SATL1: variants seen among roughly 807,000 people sequenced by gnomAD.
SATL1 encodes the protein spermidine/spermine N(1)-acetyltransferase-like protein 1.
Under a neutral mutation model 51.8 loss-of-function variants are expected in SATL1, and 47 were observed. The observed-to-expected ratio is 0.91, with a 90% confidence interval of 0.72 to 1.16. The LOEUF (loss-of-function observed/expected upper bound fraction) is 1.16, where lower values mean the gene tolerates loss of function less well. Among genes scored for constraint, SATL1 ranks in the 50% most tolerant of loss-of-function variants. SATL1 has a pLI of 0.00. For missense variants in SATL1, 520 were observed against 526.4 expected, an observed-to-expected ratio of 0.99 and a Z score of 0.12; for synonymous variants, 176 against 182.4, an observed-to-expected ratio of 0.97 and a Z score of 0.28.
intron 1 of SATL1, among the ~76,000 whole-genome samples, chrX:85,238,275 T>G (rs1325171144): frequency 1.8e-5 from 2 of 111,694 alleles, no homozygotes; most frequent in Admixed American, 9.5e-5. Flanking sequence ...TTTGCTGCAG[T>G]ACTGCTCACA....
intron 2 of SATL1, among the ~76,000 whole-genome samples, chrX:85,125,745 T>A (rs944442898): frequency 9.2e-6 from 1 of 108,732 alleles, no homozygotes; most frequent in African/African-American, 3.3e-5. Context: ...AATTTTTAAA[T>A]ATATATATAT....
intron 2 of SATL1, among the ~76,000 whole-genome samples, chrX:85,208,519 A>G (rs1927838698): frequency 8.9e-6 from 1 of 111,826 alleles, no homozygotes; most frequent in East Asian, 2.8e-4. Context: ...TCCCACCAAC[A>G]GTGTAAAAGC....
At chrX:85,243,214 CT>C (rs1928678888) in intron 1 of SATL1, among the ~76,000 whole-genome samples, 1 of 112,672 alleles carries the variant, frequency 8.9e-6, no homozygotes, top group Non-Finnish European at 1.9e-5. Context: ...CCTTTCCCTG[CT>C]TAAACACTGT....
intron 2 of SATL1, among the ~76,000 whole-genome samples, chrX:85,180,100 T>C (rs1325131000): frequency 9.0e-6 from 1 of 110,898 alleles, no homozygotes; most frequent in Non-Finnish European, 1.9e-5. Flanking sequence ...AAAACACAGG[T>C]TAAATAACTT....
At chrX:85,187,906 A>G (rs1443158015) in intron 2 of SATL1, among the ~76,000 whole-genome samples, 1 of 110,187 alleles carries the variant, frequency 9.1e-6, no homozygotes, top group Non-Finnish European at 1.9e-5. Flanking sequence ...ATTTTCATTA[A>G]TTTCTCTTTA....
intron 2 of SATL1, chrX:85,210,452 G>A (rs1410134940): frequency 9.5e-6 from 1 of 105,556 alleles, no homozygotes; most frequent in East Asian, 3.0e-4. Context: ...CTCTACATTT[G>A]GAGACCCTTA....
intron 5 of SATL1, 49 bp from the exon 6 acceptor site, chrX:85,094,278 A>G (rs771411925): frequency 1.5e-6 from 1 of 678,983 alleles, no homozygotes; most frequent in East Asian, 3.2e-5. Context: ...AATCTTAGCC[A>G]GTTCTTTACC....
chrX:85,140,359 A>ACC (rs1290350891), intron 2 of SATL1, among the ~76,000 whole-genome samples: 2 of 111,690 alleles, frequency 1.8e-5, no homozygotes, highest in Admixed American at 9.6e-5. Context: ...CCCCATAACA[A>ACC]CCCTAAGAGG....
intron 2 of SATL1, among the ~76,000 whole-genome samples, chrX:85,220,464 G>A (rs985602257): frequency 2.8e-5 from 3 of 106,679 alleles, no homozygotes; most frequent in Admixed American, 2.0e-4. Flanking sequence ...TAAACTCTCC[G>A]CTGTACAGCT....
At chrX:85,135,304 T>A (rs748169212) in intron 2 of SATL1, among the ~76,000 whole-genome samples, 5 of 110,431 alleles carry the variant, frequency 4.5e-5, no homozygotes, top group Admixed American at 3.9e-4. Flanking sequence ...AACCTGCACA[T>A]CCTGCACATG....
At chrX:85,102,231 C>T (rs1297814001) in intron 4 of SATL1, among the ~76,000 whole-genome samples, 4 of 99,967 alleles carry the variant, frequency 4.0e-5, no homozygotes, top group Admixed American at 1.1e-4. Context: ...TATCCTTCCC[C>T]CCTCCCCCCA....
chrX:85,162,898 AC>A (rs1455211240), intron 2 of SATL1, among the ~76,000 whole-genome samples: 1 of 111,348 alleles, frequency 9.0e-6, no homozygotes, highest in African/African-American at 3.3e-5. Context: ...AACCCACTGG[AC>A]CATGGTGTAT....
Position 85,233,346 on chromosome X carries a change from T to C in SATL1, c.-434-9020A>G, listed in dbSNP as rs973660966. 5.3e-4 allele frequency among the ~76,000 whole-genome samples: 59 copies of C among 111,755 alleles called. 1 individual carries two copies. Among genetic ancestry groups the C allele is most frequent in the Admixed American group, 9.5e-5 (1 of 10,539 alleles). ...TCCAAACAAGCCCAGACTCTGAAGA[T>C]TACAAGAAATACTTAACTCTTCAGT... On this transcript the variant is annotated intron_variant, in intron 1 of 7. Transcript: ENST00000644105.
chrX:85,191,799 A>G (rs1927446854), intron 2 of SATL1, among the ~76,000 whole-genome samples: 1 of 111,538 alleles, frequency 9.0e-6, no homozygotes, highest in Non-Finnish European at 1.9e-5. Flanking sequence ...AGGAAGAAAA[A>G]AGGTTGGTCT....
chrX:85,130,144 G>T (rs1039432718), intron 2 of SATL1, among the ~76,000 whole-genome samples: 2 of 111,660 alleles, frequency 1.8e-5, no homozygotes, highest in African/African-American at 6.5e-5. Context: ...TTGGAATCAG[G>T]ATAATGCTGG....
chrX:85,150,937 T>C (rs1182522482), intron 2 of SATL1, among the ~76,000 whole-genome samples: 11 of 111,086 alleles, frequency 9.9e-5, no homozygotes, highest in Non-Finnish European at 1.9e-4. Context: ...ACCGCTCCTA[T>C]TCAACACAGT....
chrX:85,199,307 G>A (rs189641581), intron 2 of SATL1, among the ~76,000 whole-genome samples: 2,539 of 111,143 alleles, frequency 0.023, 35 homozygotes, highest in Non-Finnish European at 0.039. Flanking sequence ...GCGGAGAAAA[G>A]GGAACCCTCA....
intron 2 of SATL1, among the ~76,000 whole-genome samples, chrX:85,198,591 C>T (rs974665274): frequency 1.2e-4 from 13 of 110,533 alleles, no homozygotes; most frequent in African/African-American, 4.3e-4. Flanking sequence ...TGTTGAGTAC[C>T]TTTAAATTTT....
intron 1 of SATL1, among the ~76,000 whole-genome samples, chrX:85,238,904 A>G (rs975599325): frequency 4.5e-5 from 5 of 110,935 alleles, no homozygotes; most frequent in Non-Finnish European, 9.5e-5. Flanking sequence ...AAACTCATAG[A>G]ATGAAAGAGT....
Sources: allele counts gnomAD v4.1 joint callset (sites outside exome capture counted in the v4.1 genomes callset), GRCh38; gene constraint gnomAD v4.1.1; transcripts MANE v1.5; gene names NCBI Gene and HGNC (gene_info 2026-07-23, HGNC 2026-07-21).